Variants in PRR5 observed in about 807,000 individuals in gnomAD.
PRR5 encodes the protein proline-rich protein 5.
Under a neutral mutation model 30.6 loss-of-function variants are expected in PRR5, and 25 were observed. The ratio of observed to expected loss-of-function variants is 0.82; its 90% CI spans 0.60 to 1.14. The LOEUF is 1.14. Among genes scored for constraint, PRR5 ranks in the 50% most tolerant of loss-of-function variants. The probability of loss-of-function intolerance (pLI) is 0.00; values close to 1 mark genes in which losing one functional copy is unlikely to be tolerated. For synonymous variants in PRR5, 286 were observed against 247.1 expected (o/e 1.16, Z -1.48); for missense variants, 600 against 547.1 (o/e 1.10, Z -0.96).
At chr22:44,729,712 G>A (rs1921576493) in intron 4 of PRR5, 1 of 985,504 alleles carries the variant, frequency 1.0e-6, no homozygotes, top group Non-Finnish European at 1.2e-6. Flanking sequence ...CAGCCGCGAG[G>A]CTGCCCTTCC....
chr22:44,736,257 T>TC (rs934392701), intron 7 of PRR5, among the ~76,000 whole-genome samples: 1 of 152,206 alleles, frequency 6.6e-6, no homozygotes, highest in African/African-American at 2.4e-5. Context: ...CAGGATGGAA[T>TC]CCCCGCCTTG....
intron 1 of PRR5, among the ~76,000 whole-genome samples, chr22:44,694,522 G>T (rs1167807192): frequency 6.6e-6 from 1 of 152,168 alleles, no homozygotes; most frequent in East Asian, 1.9e-4. Context: ...AATAGAGCAA[G>T]ACTCCATCCA....
chr22:44,699,381 G>A (rs73891741), upstream of PRR5, among the ~76,000 whole-genome samples: 19,214 of 152,262 alleles, frequency 0.13, 1,406 homozygotes, highest in South Asian at 0.3. Flanking sequence ...CCTCTCCTGA[G>A]AGCCAGCCTC....
intron 3 of PRR5, among the ~76,000 whole-genome samples, chr22:44,725,960 C>T (rs1414859681): frequency 2.0e-5 from 3 of 152,232 alleles, no homozygotes; most frequent in South Asian, 2.1e-4. Flanking sequence ...CCACCGCGCC[C>T]GACCAATTCT....
intron 1 of PRR5, among the ~76,000 whole-genome samples, chr22:44,695,442 T>C (rs147913277): frequency 5.3e-5 from 8 of 152,190 alleles, no homozygotes; most frequent in East Asian, 1.9e-4. Flanking sequence ...CTCACAGAGG[T>C]ATTTTTGGTG....
chr22:44,732,536 G>C, intron 6 of PRR5, 145 bp downstream of exon 6: 1 of 1,300,450 alleles, frequency 7.7e-7, no homozygotes, highest in Non-Finnish European at 1.0e-6. Context: ...GTCAGGGCCA[G>C]GGACCGGGGA....
At chr22:44,727,742 C>T (rs1921116231) in intron 4 of PRR5, among the ~76,000 whole-genome samples, 1 of 152,230 alleles carries the variant, frequency 6.6e-6, no homozygotes, top group African/African-American at 2.4e-5. Flanking sequence ...AGGACACAGG[C>T]CCGGAGGCCT....
chr22:44,732,262 A>G lies in PRR5; in HGVS notation c.426A>G (p.Pro142=), dbSNP rs765951799. The G allele has an allele frequency of 1.2e-6, 2 of 1,611,690 alleles. No individual in the cohort carries two copies. The highest frequency in any genetic ancestry group is 3.3e-5 in the Admixed American group (2 of 60,018). Residue 142 remains proline, a synonymous_variant, in exon 6 of 8, where the codon CCA becomes CCG. Coordinates refer to ENST00000336985, the MANE Select transcript of PRR5 (RefSeq NM_181333.4). ...AIFYPVQGKE[P]SVRQLALLHF... ...CCTTCCGTCCACAGGGCAAGGAGCC[A>G]TCGGTGCGCCAGCTGGCCCTGCTGC...
chr22:44,710,494 A>G (rs1052929167), intron 1 of PRR5, among the ~76,000 whole-genome samples: 1 of 152,106 alleles, frequency 6.6e-6, no homozygotes, highest in Non-Finnish European at 1.5e-5. Context: ...TGACATTTAC[A>G]CATGCCCCAA....
chr22:44,670,498 A>G (rs530519228), intron 1 of PRR5, among the ~76,000 whole-genome samples: 2 of 152,286 alleles, frequency 1.3e-5, no homozygotes, highest in East Asian at 1.9e-4. Flanking sequence ...ATCCACCCAC[A>G]GGGGCAGTCA....
chr22:44,681,024 G>A (rs536631686), intron 1 of PRR5, among the ~76,000 whole-genome samples: 109 of 152,326 alleles, frequency 7.2e-4, no homozygotes, highest in African/African-American at 2.6e-3. Context: ...AGACTAGCAC[G>A]GCAGCGGCTC....
At chr22:44,705,876 C>T (rs1602003428) in intron 1 of PRR5, among the ~76,000 whole-genome samples, 1 of 152,100 alleles carries the variant, frequency 6.6e-6, no homozygotes, top group Non-Finnish European at 1.5e-5. Context: ...TTGCATTCTC[C>T]GCCCCCACAG....
chr22:44,694,562 C>A (rs1268126510), intron 1 of PRR5, among the ~76,000 whole-genome samples: 1 of 152,128 alleles, frequency 6.6e-6, no homozygotes. Flanking sequence ...GGGTCGCTGG[C>A]AGACACAGGC....
chr22:44,732,523 C>G (rs1922217349), intron 6 of PRR5, 132 bp downstream of exon 6: 1 of 1,357,784 alleles, frequency 7.4e-7, no homozygotes, highest in Non-Finnish European at 9.9e-7. Context: ...AGAGGAGAAG[C>G]CTGTCAGGGC....
chr22:44,726,235 T>C (rs1402713444), intron 3 of PRR5, among the ~76,000 whole-genome samples: 1 of 152,184 alleles, frequency 6.6e-6, no homozygotes, highest in Non-Finnish European at 1.5e-5. Flanking sequence ...CCTTTGGTAA[T>C]CAGAGTCACC....
intron 1 of PRR5, among the ~76,000 whole-genome samples, chr22:44,705,197 C>T (rs985454753): frequency 3.3e-5 from 5 of 152,184 alleles, no homozygotes; most frequent in African/African-American, 1.2e-4. Context: ...TCGCTCCCAC[C>T]AGAGGCTCTA....
intron 1 of PRR5, among the ~76,000 whole-genome samples, chr22:44,708,611 C>A (rs1336941943): frequency 6.6e-6 from 1 of 152,130 alleles, no homozygotes; most frequent in African/African-American, 2.4e-5. Flanking sequence ...CTTTCATTCC[C>A]CACAGTAACC....
At chr22:44,701,491 G>GTGCTC (rs1217490686), upstream of PRR5, among the ~76,000 whole-genome samples, 1 of 152,256 alleles carries the variant, frequency 6.6e-6, no homozygotes, top group East Asian at 1.9e-4. Flanking sequence ...ACATCTAAAA[G>GTGCTC]TGCTCTGCGA....
chr22:44,709,995 T>G (rs1444242872), intron 1 of PRR5, among the ~76,000 whole-genome samples: 2 of 152,088 alleles, frequency 1.3e-5, no homozygotes, highest in Non-Finnish European at 2.9e-5. Context: ...CTCACGTGTG[T>G]GGTGGTACAC....
Sources: gnomAD v4.1 joint callset for allele counts (sites outside exome capture counted in the v4.1 genomes callset) on GRCh38, gnomAD v4.1.1 for gene constraint, MANE v1.5 for transcripts, NCBI Gene and HGNC (gene_info 2026-07-23, HGNC 2026-07-21) for gene names.